Variants in ADGRL3 observed in about 807,000 individuals in gnomAD.
The protein encoded by ADGRL3 is calcium-independent alpha-latrotoxin receptor 3.
A neutral mutation model predicts 153.5 loss-of-function variants in ADGRL3; 62 were observed. That is an observed-to-expected ratio of 0.40 (90% CI 0.33 to 0.50). The LOEUF (loss-of-function observed/expected upper bound fraction) is 0.50, where lower values mean the gene tolerates loss of function less well. ADGRL3 is among the 20% of genes least tolerant of loss of function. The pLI, the probability that ADGRL3 is intolerant of heterozygous loss-of-function variation, is 0.47. For synonymous variants in ADGRL3, 710 were observed against 672.5 expected, an observed-to-expected ratio of 1.06 and a Z score of -0.86; for missense variants, 1,641 against 1,859.4, an observed-to-expected ratio of 0.88 and a Z score of 2.16.
chr4:61,717,755 T>C (rs1159824829), intron 6 of ADGRL3, among the ~76,000 whole-genome samples: 2 of 152,046 alleles, frequency 1.3e-5, no homozygotes, highest in African/African-American at 4.8e-5. Context: ...ATAATGGGGC[T>C]GGGCATTGTG....
chr4:61,939,921 T>C (rs2150212556), intron 15 of ADGRL3, among the ~76,000 whole-genome samples: 1 of 125,664 alleles, frequency 8.0e-6, no homozygotes, highest in East Asian at 2.7e-4. Context: ...TAGTATATTC[T>C]ATTTTTTTTT....
At chr4:61,655,695 A>G (rs1336106313) in intron 5 of ADGRL3, among the ~76,000 whole-genome samples, 1 of 152,166 alleles carries the variant, frequency 6.6e-6, no homozygotes, top group Non-Finnish European at 1.5e-5. Context: ...AAAGTTTTCT[A>G]ATCAGTGATT....
At chr4:61,838,805 A>T (rs942106569) in intron 9 of ADGRL3, among the ~76,000 whole-genome samples, 3 of 152,166 alleles carry the variant, frequency 2.0e-5, no homozygotes, top group Non-Finnish European at 2.9e-5. Context: ...TTTATTGCAG[A>T]GGAGGGAAGA....
chr4:61,528,266 T>C (rs1320369040), intron 4 of ADGRL3, among the ~76,000 whole-genome samples: 2 of 152,166 alleles, frequency 1.3e-5, no homozygotes, highest in Non-Finnish European at 2.9e-5. Context: ...GATTCTATTC[T>C]TCTCTCTTTT....
chr4:61,898,359 A>G lies in ADGRL3; in HGVS notation c.1887+2525A>G, dbSNP rs866205707. ...TCATCATCTAGAGCCAAGAAGATTAAGGACACAGACACACACAAGGAGTGA... is the reference window on the plus strand; with the variant it reads ...TCATCATCTAGAGCCAAGAAGATTAGGGACACAGACACACACAAGGAGTGA... On this transcript the variant is annotated intron_variant, in intron 11 of 26. Coordinates refer to ENST00000683033, the MANE Select transcript of ADGRL3 (RefSeq NM_001387552.1). 5.3e-5 allele frequency among the ~76,000 whole-genome samples: 8 copies of G among 152,236 alleles called. No individual in the cohort carries two copies. In the South Asian group the frequency reaches 1.0e-3, roughly 20 times the overall value.
At chr4:61,755,678 A>T (rs1184593948) in intron 8 of ADGRL3, among the ~76,000 whole-genome samples, 1 of 152,114 alleles carries the variant, frequency 6.6e-6, no homozygotes, top group Admixed American at 6.6e-5. Flanking sequence ...GGTGTTTTAG[A>T]CATGAAGTCC....
chr4:61,792,991 A>G (rs951620525), intron 8 of ADGRL3, among the ~76,000 whole-genome samples: 2 of 152,116 alleles, frequency 1.3e-5, no homozygotes, highest in African/African-American at 4.8e-5. Context: ...AAAAAAAAAA[A>G]AAAAGTTGAT....
chr4:61,366,317 A>G (rs1173698377), intron 1 of ADGRL3, among the ~76,000 whole-genome samples: 1 of 152,184 alleles, frequency 6.6e-6, no homozygotes, highest in Non-Finnish European at 1.5e-5. Context: ...ATAAACATCA[A>G]TGTCTATTGA....
intron 9 of ADGRL3, among the ~76,000 whole-genome samples, chr4:61,854,829 T>C (rs891800799): frequency 1.3e-5 from 2 of 152,202 alleles, no homozygotes; most frequent in Non-Finnish European, 2.9e-5. Context: ...GTACTTACTT[T>C]TGATTATGAT....
chr4:61,433,289 T>C (rs985254926), intron 2 of ADGRL3, among the ~76,000 whole-genome samples: 1 of 152,110 alleles, frequency 6.6e-6, no homozygotes, highest in Non-Finnish European at 1.5e-5. Context: ...TTGTCTCAGA[T>C]GATTAAATGT....
At chr4:61,824,302 C>G (rs1204045883) in intron 9 of ADGRL3, among the ~76,000 whole-genome samples, 2 of 152,060 alleles carry the variant, frequency 1.3e-5, no homozygotes, top group Non-Finnish European at 2.9e-5. Flanking sequence ...TTACCTTTTA[C>G]TGTTTTCATA....
chr4:61,726,979 A>G (rs2096359381), intron 6 of ADGRL3, among the ~76,000 whole-genome samples: 1 of 152,168 alleles, frequency 6.6e-6, no homozygotes, highest in African/African-American at 2.4e-5. Context: ...AATTTTTGGC[A>G]TGCAACAAAT....
intron 1 of ADGRL3, among the ~76,000 whole-genome samples, chr4:61,283,413 T>A (rs1012107995): frequency 5.3e-5 from 8 of 152,050 alleles, no homozygotes; most frequent in African/African-American, 1.9e-4. Context: ...GAATAGGACC[T>A]CAGGTTCTTC....
At chr4:61,205,476 C>G (rs1303835386) in intron 1 of ADGRL3, among the ~76,000 whole-genome samples, 1 of 152,112 alleles carries the variant, frequency 6.6e-6, no homozygotes, top group Non-Finnish European at 1.5e-5. Flanking sequence ...CTTCTCTTTC[C>G]TAGATTTGCA....
At chr4:61,627,336 G>T (rs748648129) in intron 5 of ADGRL3, among the ~76,000 whole-genome samples, 3 of 152,098 alleles carry the variant, frequency 2.0e-5, no homozygotes, top group African/African-American at 4.8e-5. Flanking sequence ...ATAGTTAGCC[G>T]AATGTGGTGG....
chr4:61,746,802 A>C (rs2096668455), intron 8 of ADGRL3, among the ~76,000 whole-genome samples: 1 of 152,142 alleles, frequency 6.6e-6, no homozygotes, highest in African/African-American at 2.4e-5. Flanking sequence ...AAAGAACTAG[A>C]AAAGCAAGAG....
intron 1 of ADGRL3, among the ~76,000 whole-genome samples, chr4:61,350,351 T>G (rs2096016846): frequency 6.6e-6 from 1 of 151,118 alleles, no homozygotes; most frequent in African/African-American, 2.4e-5. Context: ...AGGTTTTTTT[T>G]TTTTTTTTTT....
At chr4:61,503,504 ATTTAC>A (rs1454666282) in intron 3 of ADGRL3, among the ~76,000 whole-genome samples, 2 of 151,948 alleles carry the variant, frequency 1.3e-5, no homozygotes, top group African/African-American at 2.4e-5. Context: ...TTGGATTACT[ATTTAC>A]TTTAATCCTC....
intron 8 of ADGRL3, among the ~76,000 whole-genome samples, chr4:61,776,709 A>G (rs979483453): frequency 6.6e-6 from 1 of 152,178 alleles, no homozygotes; most frequent in African/African-American, 2.4e-5. Context: ...AACTACTTGA[A>G]TTTATGTAAA....
Sources: allele counts gnomAD v4.1 joint callset (sites outside exome capture counted in the v4.1 genomes callset), GRCh38; gene constraint gnomAD v4.1.1; transcripts MANE v1.5; gene names NCBI Gene and HGNC (gene_info 2026-07-23, HGNC 2026-07-21).